PLAAT1: variants seen among roughly 807,000 people sequenced by gnomAD.
PLAAT1 encodes phospholipase A and acyltransferase 1.
Under a neutral mutation model 16.4 loss-of-function variants are expected in PLAAT1, and 13 were observed. The observed-to-expected ratio is 0.79, with a 90% CI of 0.52 to 1.26. PLAAT1 has a LOEUF of 1.26. Among genes scored for constraint, PLAAT1 ranks in the 50% most tolerant of loss-of-function variants. PLAAT1 has a pLI of 0.00. For synonymous variants in PLAAT1, 73 were observed against 78.4 expected, an observed-to-expected ratio of 0.93 and a Z score of 0.36; for missense variants, 218 against 207.8, an observed-to-expected ratio of 1.05 and a Z score of -0.30.
At chr3:193,278,774 C>T (rs564018972), downstream of PLAAT1, among the ~76,000 whole-genome samples, 56 of 152,234 alleles carry the variant, frequency 3.7e-4, no homozygotes, top group African/African-American at 1.2e-3. Context: ...CCTCAGGTAG[C>T]GTTCAAGTAT....
chr3:193,275,510 C>G (rs1717154398), downstream of PLAAT1, among the ~76,000 whole-genome samples: 1 of 152,180 alleles, frequency 6.6e-6, no homozygotes, highest in Non-Finnish European at 1.5e-5. Context: ...CCAGAAGCTT[C>G]CAGCATTTCC....
chr3:193,259,878 A>T (rs1716518875), intron 2 of PLAAT1, among the ~76,000 whole-genome samples: 1 of 152,280 alleles, frequency 6.6e-6, no homozygotes, highest in African/African-American at 2.4e-5. Flanking sequence ...ATATTCTAAA[A>T]TTTGTATGGA....
chr3:193,265,107 A>G (rs1716733860), intron 3 of PLAAT1, among the ~76,000 whole-genome samples: 1 of 152,172 alleles, frequency 6.6e-6, no homozygotes, highest in Non-Finnish European at 1.5e-5. Context: ...AATTCCTCTA[A>G]AATTAAATGT....
intron 2 of PLAAT1, among the ~76,000 whole-genome samples, chr3:193,277,289 A>C (rs879819618): frequency 2.0e-5 from 3 of 152,200 alleles, no homozygotes; most frequent in Non-Finnish European, 2.9e-5. Context: ...CTAGATGCAG[A>C]TTGCTTCTGG....
intron 1 of PLAAT1, among the ~76,000 whole-genome samples, chr3:193,246,609 G>T (rs2108779383): frequency 6.6e-6 from 1 of 152,252 alleles, no homozygotes; most frequent in East Asian, 1.9e-4. Context: ...ATATCCATCT[G>T]CCTCGGCCTC....
At chr3:193,274,601 G>C (rs1717100370), downstream of PLAAT1, among the ~76,000 whole-genome samples, 1 of 152,198 alleles carries the variant, frequency 6.6e-6, no homozygotes, top group Non-Finnish European at 1.5e-5. Context: ...GAAACAAAAA[G>C]AGGAACTGTG....
intron 1 of PLAAT1, among the ~76,000 whole-genome samples, chr3:193,254,213 A>C (rs1184962204): frequency 1.3e-5 from 2 of 152,172 alleles, no homozygotes; most frequent in African/African-American, 2.4e-5. Context: ...TGACAGTGTG[A>C]TGATTGAACT....
chr3:193,247,128 A>G (rs1716009706), intron 1 of PLAAT1, among the ~76,000 whole-genome samples: 2 of 152,032 alleles, frequency 1.3e-5, no homozygotes, highest in Non-Finnish European at 2.9e-5. Flanking sequence ...GTGTTATCCA[A>G]TTTCTTGGTA....
At chr3:193,276,834 T>A in intron 2 of PLAAT1, 1 of 1,609,398 alleles carries the variant, frequency 6.2e-7, no homozygotes, top group Non-Finnish European at 8.5e-7. Context: ...GGATCAACTG[T>A]TGAAAAACAA....
chr3:193,247,607 T>TA (rs1577299069), intron 1 of PLAAT1, among the ~76,000 whole-genome samples: 1 of 152,160 alleles, frequency 6.6e-6, no homozygotes, highest in African/African-American at 2.4e-5. Flanking sequence ...AGCTAAGGAG[T>TA]AAAAAATCCT....
intron 1 of PLAAT1, among the ~76,000 whole-genome samples, chr3:193,255,177 A>G (rs1716326692): frequency 6.6e-6 from 1 of 152,226 alleles, no homozygotes; most frequent in Non-Finnish European, 1.5e-5. Flanking sequence ...GTGCAAGCAT[A>G]TAAACCCTTT....
At chr3:193,275,234 A>G, downstream of PLAAT1, 2 of 1,614,120 alleles carry the variant, frequency 1.2e-6, no homozygotes, top group Non-Finnish European at 1.7e-6. Flanking sequence ...TCCTATATTG[A>G]CTTTTAGAGT....
intron 1 of PLAAT1, among the ~76,000 whole-genome samples, chr3:193,254,621 A>C (rs1457392622): frequency 1.3e-5 from 2 of 152,138 alleles, no homozygotes; most frequent in Non-Finnish European, 2.9e-5. Flanking sequence ...AAAAGTATTG[A>C]CTTAAAAAAA....
At chr3:193,251,433 C>G (rs1176057907) in intron 1 of PLAAT1, among the ~76,000 whole-genome samples, 1 of 152,184 alleles carries the variant, frequency 6.6e-6, no homozygotes, top group East Asian at 1.9e-4. Flanking sequence ...CATAGCCAAA[C>G]CCTTTCCAGG....
intron 2 of PLAAT1, among the ~76,000 whole-genome samples, chr3:193,260,691 A>C (rs1716552394): frequency 6.6e-6 from 1 of 152,184 alleles, no homozygotes; most frequent in African/African-American, 2.4e-5. Context: ...AAGTCAAAAA[A>C]AAAAACAGAT....
chr3:193,260,773 TG>T (rs1436700039), intron 2 of PLAAT1, among the ~76,000 whole-genome samples: 1 of 152,110 alleles, frequency 6.6e-6, no homozygotes, highest in African/African-American at 2.4e-5. Context: ...TCAGCCACTG[TG>T]GAAAGCAGAT....
At position 193,255,797 on chromosome 3, in the gene PLAAT1, T is replaced by C. The variant is rs781122949; in HGVS notation, c.139+8T>C. ...TCAACATAGCACCTGTAGGTGAGGT[T>C]TATTTCCAGTGGCTCCTGGGAGCAA... On this transcript the variant is annotated splice_region_variant and intron_variant, in intron 2 of 3. Coordinates refer to ENST00000264735, the MANE Select transcript of PLAAT1 (RefSeq NM_020386.5). 1.9e-6 allele frequency: 3 copies of C among 1,567,320 alleles called. No individual in the cohort carries two copies. The highest frequency in any genetic ancestry group is 4.6e-5 in the East Asian group (2 of 43,536).
At chr3:193,240,654 C>CGCGTGTGTGTGTGT (rs1553803498), upstream of PLAAT1, among the ~76,000 whole-genome samples, 6 of 88,502 alleles carry the variant, frequency 6.8e-5, no homozygotes, top group African/African-American at 2.4e-4. Context: ...GGCTATCTGG[C>CGCGTGTGTGTGTGT]GTGTGTGTGT....
downstream of PLAAT1, chr3:193,274,839 AT>A: frequency 1.5e-6 from 1 of 663,324 alleles, no homozygotes. Context: ...CAGGAAATGC[AT>A]TTTTTTCTCT....
Sources: allele counts gnomAD v4.1 joint callset (sites outside exome capture counted in the v4.1 genomes callset), GRCh38; gene constraint gnomAD v4.1.1; transcripts MANE v1.5; gene names NCBI Gene and HGNC (gene_info 2026-07-23, HGNC 2026-07-21).